PAX1: variants seen among roughly 807,000 people sequenced by gnomAD.
The protein encoded by PAX1 is paired box protein Pax-1.
A neutral mutation model predicts 35.6 loss-of-function variants in PAX1; 18 were observed. That is an observed-to-expected ratio of 0.50 (90% confidence interval 0.35 to 0.75). The LOEUF (loss-of-function observed/expected upper bound fraction) is 0.75. PAX1 is among the 30% of genes least tolerant of loss of function. The probability of loss-of-function intolerance (pLI) is 0.01; values close to 1 mark genes in which losing one functional copy is unlikely to be tolerated. For missense variants in PAX1, 760 were observed against 661.5 expected (o/e 1.15, Z -1.63); for synonymous variants, 397 against 305.2 (o/e 1.30, Z -3.14).
rs1415574372 is a variant in PAX1, at chr20:21,708,638, G to T, written c.997G>T (p.Ala333Ser). 1.2e-6 allele frequency: 2 copies of T among 1,613,606 alleles called. No individual in the cohort carries two copies. Among genetic ancestry groups the T allele is most frequent in the Admixed American group, 1.7e-5 (1 of 60,034 alleles). Residue 333 changes from alanine to serine, a missense_variant, in exon 3 of 5, where the codon GCC becomes TCC. Physicochemically the swap from Ala to Ser is moderately conservative, Grantham distance 99. Transcript: ENST00000613128. ...WAGVNRTAFPATPAVNGLEKP... is the reference protein window; with the variant it reads ...WAGVNRTAFPSTPAVNGLEKP... ...CGGCGTGAACCGCACGGCCTTCCCC[G>T]CCACCCCCGCAGTGAATGGGCTAGA...
intron 3 of PAX1, 91 bp from the exon 4 acceptor site, chr20:21,709,131 C>G: frequency 1.0e-6 from 1 of 986,940 alleles, no homozygotes; most frequent in Non-Finnish European, 1.6e-6. Flanking sequence ...CGTGGGGGAG[C>G]GATAATGGAC....
Position 21,714,490 on chromosome 20 carries a change from C to T in PAX1, c.1302C>T (p.Pro434=), listed in dbSNP as rs867360105. ...PSREVADRKP[P]SSGSKAPDAL... ...CCGCAGTGGCTGACAGGAAGCCTCC[C>T]AGCTCCGGCAGCAAGGCCCCGGACG... is the stretch of plus-strand genomic sequence containing the variant. The change falls in exon 5 of 5, where the codon CCC becomes CCT. Residue 434 remains proline (P), a synonymous_variant. Coordinates refer to ENST00000613128, the MANE Select transcript of PAX1 (RefSeq NM_001257096.2). 6.3e-7 allele frequency: 1 copy of T among 1,586,986 alleles called. No homozygotes were observed. The highest frequency in any genetic ancestry group is 1.7e-5 in the Admixed American group (1 of 57,150).
chr20:21,708,041 C>A (rs905845016), intron 2 of PAX1, among the ~76,000 whole-genome samples: 1 of 152,188 alleles, frequency 6.6e-6, no homozygotes, highest in Non-Finnish European at 1.5e-5. Context: ...TGGTTCCTGG[C>A]ACACACAAGG....
At chr20:21,710,824 G>T (rs1367741825) in intron 4 of PAX1, among the ~76,000 whole-genome samples, 1 of 152,320 alleles carries the variant, frequency 6.6e-6, no homozygotes, top group African/African-American at 2.4e-5. Flanking sequence ...ATGTTCACTT[G>T]CCTAGTTACA....
intron 4 of PAX1, among the ~76,000 whole-genome samples, chr20:21,710,370 C>T (rs1421549101): frequency 1.3e-5 from 2 of 152,154 alleles, no homozygotes; most frequent in Non-Finnish European, 2.9e-5. Context: ...TTCAAACTTG[C>T]CAGTGCTTAG....
chr20:21,709,062 G>C (rs909871330), intron 3 of PAX1, among the ~76,000 whole-genome samples, 160 bp from the exon 4 acceptor site: 2 of 152,220 alleles, frequency 1.3e-5, no homozygotes, highest in African/African-American at 4.8e-5. Flanking sequence ...TTGCCAAAGA[G>C]TCCTGACTAG....
chr20:21,714,352 C>T, intron 4 of PAX1, 119 bp from the exon 5 acceptor site: 1 of 714,686 alleles, frequency 1.4e-6, no homozygotes, highest in South Asian at 1.9e-5. Flanking sequence ...CTTCACTCTT[C>T]CAGAGCCTTC....
Position 21,709,438 on chromosome 20 carries a change from C to A in PAX1, c.1276C>A (p.Arg426=), listed in dbSNP as rs757834842. Residue 426 remains arginine, a synonymous_variant, in exon 4 of 5, where the codon CGA becomes AGA. Transcript: ENST00000613128. The part of the protein sequence containing the change: ...AAAMTFKHPS[R]EVADRKPPSS... ...AGCAATGACCTTCAAGCATCCCAGC[C>A]GAGAAGGTGAGGAGCGCAGGGAGTG... The A allele has an allele frequency of 2.0e-6, 3 of 1,527,996 alleles. No individual in the cohort carries two copies. The highest frequency in any genetic ancestry group is 1.8e-6 in the Non-Finnish European group (2 of 1,142,698). The allele number at this position is 1,527,996 out of a possible 1,614,324, so 94.7% of individuals were successfully genotyped here.
Position 21,714,925 on chromosome 20 carries a change from C to T in PAX1, c.*363C>T. 3 of 815,536 alleles carry T rather than the reference C, an allele frequency of 3.7e-6. No individual in the cohort carries two copies. Among genetic ancestry groups the T allele is most frequent in the South Asian group, 2.9e-5 (2 of 69,138 alleles). 50.5% of individuals were successfully genotyped at this position (815,536 alleles called of 1,614,324 possible). A position where few individuals can be genotyped will look rare whatever the true frequency, so the allele number is the denominator to read the frequency against. On this transcript the variant is annotated 3_prime_UTR_variant, in exon 5 of 5. Coordinates refer to ENST00000613128, the MANE Select transcript of PAX1 (RefSeq NM_001257096.2). ...CTCGCCTCTCTCCCTGTTTCCTTCC[C>T]CCCTCTTTCTTTCTCACTCTCCCTC...
rs114724183 is a variant in PAX1, at chr20:21,711,028, T to C, written c.1282+1584T>C. On this transcript the variant is annotated intron_variant, in intron 4 of 4. Transcript: ENST00000613128. Reference sequence around the variant, plus strand: ...AGTTAAGGGGTCGCAGATGAGCGCTTCACTCATCCTCAGCCTCCAATCAAC... The same window carrying C: ...AGTTAAGGGGTCGCAGATGAGCGCTCCACTCATCCTCAGCCTCCAATCAAC... 2.2e-3 allele frequency among the ~76,000 whole-genome samples: 337 copies of C among 152,328 alleles called. 3 individuals carry two copies. Among genetic ancestry groups the C allele is most frequent in the African/African-American group, 7.9e-3 (327 of 41,576 alleles).
chr20:21,716,386 T>A lies in PAX1; in HGVS notation c.*1824T>A, dbSNP rs1461053876. On this transcript the variant is annotated 3_prime_UTR_variant, in exon 5 of 5. Transcript: ENST00000613128. ...TGTGCACTGGTCCCACCTAGGGGAC[T>A]AGTGGTAAACAGTTTTTGTTTCAAC... 6.6e-6 allele frequency: 1 copy of A among 152,184 alleles called. No individual in the cohort carries two copies. 9.4% of individuals were successfully genotyped at this position (152,184 alleles called of 1,614,324 possible).
chr20:21,707,018 A>G lies in PAX1; in HGVS notation c.867A>G (p.Ala289=). The G allele has an allele frequency of 6.2e-7, 1 of 1,613,058 alleles. No individual in the cohort carries two copies. The highest frequency in any genetic ancestry group is 8.5e-7 in the Non-Finnish European group (1 of 1,180,024). The change falls in exon 2 of 5, where the codon GCA becomes GCG. Residue 289 remains alanine, a synonymous_variant. Coordinates refer to ENST00000613128, the MANE Select transcript of PAX1 (RefSeq NM_001257096.2). ...GCATCCCGCGCTCATGGCCCTCGGC[A>G]CACTCGGTCAGCAACATCCTGGGCA... ...HVSIPRSWPS[A]HSVSNILGIR... is the part of the protein sequence containing the mutation.
rs1555805189 is a variant in PAX1 at position 21,714,829 on chromosome 20, T to A, written c.*267T>A. On this transcript the variant is annotated 3_prime_UTR_variant, in exon 5 of 5. Transcript: ENST00000613128. ...ACTGCCGTACCCTCCTCACAATCCTTGCTCTGACGTGGCCTCCTTCGCTCT... is the reference window on the plus strand; with the variant it reads ...ACTGCCGTACCCTCCTCACAATCCTAGCTCTGACGTGGCCTCCTTCGCTCT... 5 of 1,576,156 alleles carry A rather than the reference T, an allele frequency of 3.2e-6. No homozygotes were observed. Among genetic ancestry groups the A allele is most frequent in the Non-Finnish European group, 4.3e-6 (5 of 1,158,614 alleles).
chr20:21,706,537 T>C lies in PAX1; in HGVS notation c.386T>C (p.Leu129Pro). The change falls in exon 2 of 5, where the codon CTG (leucine) becomes CCG (proline). Residue 129 changes from leucine (L) to proline (P), a missense_variant. Leu to Pro is a moderately conservative substitution (Grantham distance 98, BLOSUM62 -3). Coordinates refer to ENST00000613128, the MANE Select transcript of PAX1 (RefSeq NM_001257096.2). The surrounding 1 kb of genome is among the most constrained non-coding windows in gnomAD (Gnocchi z 5.3). Reference sequence around the variant, plus strand: ...TTGCGCATTGTGGAGCTGGCGCAGCTGGGCATCCGACCCTGTGACATCAGT... The same window carrying C: ...TTGCGCATTGTGGAGCTGGCGCAGCCGGGCATCCGACCCTGTGACATCAGT... ...IRLRIVELAQ[L>P]GIRPCDISRQ... is the part of the protein sequence containing the mutation. 6.2e-7 allele frequency: 1 copy of C among 1,612,350 alleles called. No homozygotes were observed. Among genetic ancestry groups the C allele is most frequent in the Non-Finnish European group, 8.5e-7 (1 of 1,179,978 alleles).
chr20:21,707,159 C>T, intron 2 of PAX1, 92 bp downstream of exon 2: 1 of 1,514,310 alleles, frequency 6.6e-7, no homozygotes, highest in East Asian at 2.3e-5. Context: ...GCTCTCCTCC[C>T]GGGACCGGTT....
Position 21,716,138 on chromosome 20 carries a change from C to G in PAX1, c.*1576C>G, listed in dbSNP as rs757451465. 3 of 152,164 alleles carry G rather than the reference C, an allele frequency of 2.0e-5. No homozygotes were observed. Among genetic ancestry groups the G allele is most frequent in the Non-Finnish European group, 4.4e-5 (3 of 68,048 alleles). The allele number at this position is 152,164 out of a possible 1,614,324, so 9.4% of individuals were successfully genotyped here. A position where few individuals can be genotyped will look rare whatever the true frequency, so the allele number is the denominator to read the frequency against. On this transcript the variant is annotated 3_prime_UTR_variant, in exon 5 of 5. Transcript: ENST00000613128. ...TTAATTCTGAAAAGAGTAAAATGGGCAAAAGGCAATGAGCCAGAATGGAGG... is the reference window on the plus strand; with the variant it reads ...TTAATTCTGAAAAGAGTAAAATGGGGAAAAGGCAATGAGCCAGAATGGAGG...
Position 21,714,518 on chromosome 20 carries a change from C to A in PAX1, c.1330C>A (p.Leu444Ile). The change falls in exon 5 of 5, where the codon CTC becomes ATC. Residue 444 changes from leucine to isoleucine, a missense_variant. By Grantham distance (5) the Leu-to-Ile change is conservative. Coordinates refer to ENST00000613128, the MANE Select transcript of PAX1 (RefSeq NM_001257096.2). ...CTCCGGCAGCAAGGCCCCGGACGCC[C>A]TCAGTAGCTTACACGGACTGCCCAT... The part of the protein sequence containing the change: ...PSSGSKAPDA[L>I]SSLHGLPIPA... 1 of 1,596,254 alleles carries A rather than the reference C, an allele frequency of 6.3e-7. No homozygotes were observed. Among genetic ancestry groups the A allele is most frequent in the East Asian group, 2.3e-5 (1 of 43,836 alleles).
chr20:21,711,469 G>C (rs879299234), intron 4 of PAX1, among the ~76,000 whole-genome samples: 2 of 152,124 alleles, frequency 1.3e-5, no homozygotes, highest in Non-Finnish European at 2.9e-5. Flanking sequence ...AGAAATACAG[G>C]GTCATTGAAT....
Position 21,715,037 on chromosome 20 carries a change from T to G in PAX1, c.*475T>G. 1.6e-6 allele frequency: 1 copy of G among 606,290 alleles called. No individual in the cohort carries two copies. The highest frequency in any genetic ancestry group is 2.9e-6 in the Non-Finnish European group (1 of 341,286). 37.6% of individuals were successfully genotyped at this position (606,290 alleles called of 1,614,324 possible). ...GCTCCCTCTGCCCTTCCACTCTCTT[T>G]TCCTTGCTCCGACCTCTGCTCCAGT... On this transcript the variant is annotated 3_prime_UTR_variant, in exon 5 of 5. Transcript: ENST00000613128.
Sources: allele counts gnomAD v4.1 joint callset (sites outside exome capture counted in the v4.1 genomes callset), GRCh38; gene constraint gnomAD v4.1.1; non-coding constraint Gnocchi (gnomAD v3.1); transcripts MANE v1.5; gene names NCBI Gene and HGNC (gene_info 2026-07-23, HGNC 2026-07-21).